Variants in LAMC1 observed in about 807,000 individuals in gnomAD.
The protein encoded by LAMC1 is laminin subunit gamma-1.
In LAMC1, 38 loss-of-function variants were observed where a neutral mutation model predicts 173.6. The ratio of observed to expected loss-of-function variants is 0.22; its 90% CI spans 0.17 to 0.29. The LOEUF (loss-of-function observed/expected upper bound fraction) is 0.29, where lower values mean the gene tolerates loss of function less well. LAMC1 is among the 10% of genes least tolerant of loss of function. The probability of loss-of-function intolerance (pLI) is 1.00; values close to 1 mark genes in which losing one functional copy is unlikely to be tolerated. For missense variants in LAMC1, 1,824 were observed against 2,051.8 expected (o/e 0.89, Z 2.14); for synonymous variants, 746 against 749.1 (o/e 1.00, Z 0.07).
At chr1:183,069,559 C>T (rs2102039266) in intron 1 of LAMC1, among the ~76,000 whole-genome samples, 1 of 152,318 alleles carries the variant, frequency 6.6e-6, no homozygotes, top group East Asian at 1.9e-4. Flanking sequence ...GTAAGTTAAA[C>T]AGAAAGCCTG....
chr1:183,142,919 A>G lies in LAMC1; in HGVS notation c.*129A>G. 1.0e-6 allele frequency: 1 copy of G among 958,614 alleles called. No individual in the cohort carries two copies. Among genetic ancestry groups the G allele is most frequent in the South Asian group, 1.8e-5 (1 of 56,012 alleles). The allele number at this position is 958,614 out of a possible 1,614,324, so 59.4% of individuals were successfully genotyped here. On this transcript the variant is annotated 3_prime_UTR_variant, in exon 28 of 28. Coordinates refer to ENST00000258341, the MANE Select transcript of LAMC1 (RefSeq NM_002293.4). The stretch of plus-strand genomic sequence containing the variant: ...GCTGCTGTCCATGACTGTCCTTTTG[A>G]ACCAGGAAAAGTCACAGAGTTTAAA...
chr1:183,064,967 T>C (rs1312165079), intron 1 of LAMC1, among the ~76,000 whole-genome samples: 1 of 152,130 alleles, frequency 6.6e-6, no homozygotes, highest in African/African-American at 2.4e-5. Flanking sequence ...ACATGCCAGT[T>C]AACCTAAAGT....
chr1:183,131,434 T>TGTGTGTGC, intron 20 of LAMC1, 56 bp downstream of exon 20: 1 of 933,890 alleles, frequency 1.1e-6, no homozygotes, highest in Non-Finnish European at 1.7e-6. Context: ...ATGGGGTGTG[T>TGTGTGTGC]GTGTGTGTGT....
chr1:183,141,894 A>G (rs966235845), intron 27 of LAMC1, among the ~76,000 whole-genome samples: 11 of 152,248 alleles, frequency 7.2e-5, no homozygotes, highest in African/African-American at 1.7e-4. Context: ...TCAAGTATGC[A>G]TGAAATGCTG....
chr1:183,029,696 G>A (rs1298962735), intron 1 of LAMC1, among the ~76,000 whole-genome samples: 1 of 152,080 alleles, frequency 6.6e-6, no homozygotes, highest in African/African-American at 2.4e-5. Flanking sequence ...CACCCTGTAG[G>A]TATTTATCAC....
Position 183,135,134 on chromosome 1 carries a change from T to G in LAMC1, c.4092T>G (p.Asn1364Lys). 6.2e-7 allele frequency: 1 copy of G among 1,612,724 alleles called. No homozygotes were observed. The highest frequency in any genetic ancestry group is 8.5e-7 in the Non-Finnish European group (1 of 1,178,852). Residue 1364 changes from asparagine to lysine, a missense_variant, in exon 24 of 28, where the codon AAT becomes AAG. Transcript: ENST00000258341. ...GACGGGATACCTTACAAGAAGCTAA[T>G]GACATTCTCAACAACCTGAAAGGTA... ...KKGRDTLQEA[N>K]DILNNLKDFD...
intron 1 of LAMC1, among the ~76,000 whole-genome samples, chr1:183,051,442 C>T (rs955852318): frequency 2.6e-5 from 4 of 152,250 alleles, no homozygotes; most frequent in African/African-American, 9.6e-5. Context: ...CTGAGTACCA[C>T]TGTGTGACTT....
At chr1:183,058,251 A>G (rs1195319081) in intron 1 of LAMC1, among the ~76,000 whole-genome samples, 1 of 152,188 alleles carries the variant, frequency 6.6e-6, no homozygotes, top group Non-Finnish European at 1.5e-5. Flanking sequence ...GTTTTTGGTC[A>G]GTTGTTCTAT....
intron 1 of LAMC1, among the ~76,000 whole-genome samples, chr1:183,088,122 G>C (rs1207007898): frequency 1.3e-5 from 2 of 152,086 alleles, no homozygotes; most frequent in Non-Finnish European, 2.9e-5. Context: ...TATTTTCTTT[G>C]ATCTTATTAA....
At chr1:183,136,714 A>T in intron 25 of LAMC1, 129 bp downstream of exon 25, 2 of 727,814 alleles carry the variant, frequency 2.7e-6, no homozygotes, top group Non-Finnish European at 4.4e-6. Context: ...CTTAAACCAT[A>T]TTTGTCTTTT....
At chr1:183,127,555 A>AAAAT (rs1159656963) in intron 17 of LAMC1, 151 bp downstream of exon 17, 4 of 630,200 alleles carry the variant, frequency 6.3e-6, no homozygotes, top group Non-Finnish European at 1.1e-5. Context: ...CAAATAATAA[A>AAAAT]AAATAAATAA....
intron 1 of LAMC1, among the ~76,000 whole-genome samples, chr1:183,090,083 AG>A (rs774444964): frequency 1.3e-5 from 2 of 152,350 alleles, no homozygotes; most frequent in Non-Finnish European, 2.9e-5. Flanking sequence ...TGCTTTTCTC[AG>A]AACTTTTTTG....
At chr1:183,024,244 C>T (rs1462377162) in intron 1 of LAMC1, 110 bp downstream of exon 1, 1 of 1,067,152 alleles carries the variant, frequency 9.4e-7, no homozygotes, top group Non-Finnish European at 1.3e-6. Context: ...CGTGTTTGCT[C>T]TCTGTTCCCC....
At chr1:183,062,966 TA>T (rs544864828) in intron 1 of LAMC1, among the ~76,000 whole-genome samples, 246 of 151,828 alleles carry the variant, frequency 1.6e-3, no homozygotes, top group Non-Finnish European at 2.7e-3. Context: ...AAAATAATAA[TA>T]AAAAAAAGTA....
At chr1:183,115,865 G>C (rs1219100020) in intron 6 of LAMC1, among the ~76,000 whole-genome samples, 1 of 152,168 alleles carries the variant, frequency 6.6e-6, no homozygotes. Flanking sequence ...ATATAAAAAT[G>C]ACTTTAGGCT....
rs532317525 is a variant in LAMC1 at position 183,130,869 on chromosome 1, G to A, written c.3486+320G>A. Among the ~76,000 whole-genome samples the A allele has an allele frequency of 7.9e-5, 12 of 152,240 alleles. No homozygotes were observed. The East Asian group carries it at 2.3e-3, about 29-fold the overall frequency. ...GTGCTGATATTAAATAAAGATCTCTGAAAATAAGAAGAGGTATTCTTGGGG... is the reference window on the plus strand; with the variant it reads ...GTGCTGATATTAAATAAAGATCTCTAAAAATAAGAAGAGGTATTCTTGGGG... On this transcript the variant is annotated intron_variant, in intron 19 of 27. Transcript: ENST00000258341.
At chr1:183,140,552 G>C in intron 27 of LAMC1, 49 bp downstream of exon 27, 1 of 1,245,876 alleles carries the variant, frequency 8.0e-7, no homozygotes, top group Non-Finnish European at 1.2e-6. Flanking sequence ...CTTTTGTACT[G>C]TTCTTAGGAT....
At position 183,116,849 on chromosome 1, in the gene LAMC1, T is replaced by C; in HGVS notation, c.1510T>C (p.Cys504Arg). ...CTTCTGCTTTGGGCATTCTTCTGTC[T>C]GTACAAACGCTGTTGGCTACAGTGT... ...PCFCFGHSSV[C>R]TNAVGYSVYS... The change falls in exon 8 of 28, where the codon TGT becomes CGT. Residue 504 changes from cysteine (C) to arginine (R), a missense_variant. Cys to Arg is a radical substitution (Grantham distance 180, BLOSUM62 -3). Transcript: ENST00000258341. 1.2e-6 allele frequency: 2 copies of C among 1,614,150 alleles called. No homozygotes were observed. Among genetic ancestry groups the C allele is most frequent in the Non-Finnish European group, 1.7e-6 (2 of 1,179,970 alleles).
intron 1 of LAMC1, among the ~76,000 whole-genome samples, chr1:183,080,305 T>C (rs1047690137): frequency 6.6e-6 from 1 of 152,254 alleles, no homozygotes; most frequent in African/African-American, 2.4e-5. Context: ...CAGTGCTGTT[T>C]AAGTTATCAC....
Sources: gnomAD v4.1 joint callset for allele counts (sites outside exome capture counted in the v4.1 genomes callset) on GRCh38, gnomAD v4.1.1 for gene constraint, MANE v1.5 for transcripts, NCBI Gene and HGNC (gene_info 2026-07-23, HGNC 2026-07-21) for gene names.